PLPPR5: variants seen among roughly 807,000 people sequenced by gnomAD.
The protein encoded by PLPPR5 is phospholipid phosphatase-related protein type 5.
PLPPR5 carries 16 observed loss-of-function variants against 33.9 expected under a neutral mutation model. The ratio of observed to expected loss-of-function variants is 0.47; its 90% CI spans 0.32 to 0.72. The LOEUF is 0.72. Ranked by LOEUF, PLPPR5 falls within the 30% of genes least tolerant of loss-of-function variation. The pLI is 0.03. For missense variants in PLPPR5, 301 were observed against 406.7 expected, an observed-to-expected ratio of 0.74 and a Z score of 2.23; for synonymous variants, 163 against 150.3, an observed-to-expected ratio of 1.08 and a Z score of -0.62.
intron 1 of PLPPR5, among the ~76,000 whole-genome samples, chr1:99,003,716 A>C (rs950330818): frequency 6.6e-6 from 1 of 152,188 alleles, no homozygotes; most frequent in African/African-American, 2.4e-5. Context: ...TAAATCCAAA[A>C]GGCATGCTCT....
chr1:98,929,134 A>G (rs1649871662), intron 3 of PLPPR5, among the ~76,000 whole-genome samples: 1 of 152,176 alleles, frequency 6.6e-6, no homozygotes, highest in African/African-American at 2.4e-5. Context: ...CTGTGACCTT[A>G]CATAAATTAC....
At chr1:98,956,978 C>T (rs1284615332) in intron 1 of PLPPR5, among the ~76,000 whole-genome samples, 2 of 151,870 alleles carry the variant, frequency 1.3e-5, no homozygotes, top group Admixed American at 6.6e-5. Flanking sequence ...AAATGTGGCA[C>T]ATATACACCA....
rs185688578 is a variant in PLPPR5 at position 98,921,852 on chromosome 1, C to T, written c.798+30G>A. On this transcript the variant is annotated intron_variant, in intron 4 of 5. Transcript: ENST00000263177. Reference sequence around the variant, plus strand: ...GTGATTATGCAAGTTAATTAAAAACCCAATGATATATAAATAAATTTGTAC... The same window carrying T: ...GTGATTATGCAAGTTAATTAAAAACTCAATGATATATAAATAAATTTGTAC... 2.2e-5 allele frequency: 34 copies of T among 1,564,638 alleles called. No individual in the cohort carries two copies. The East Asian group carries it at 4.1e-4, about 19-fold the overall frequency.
At chr1:98,914,201 A>C (rs1429769933) in intron 5 of PLPPR5, among the ~76,000 whole-genome samples, 2 of 152,246 alleles carry the variant, frequency 1.3e-5, no homozygotes, top group African/African-American at 2.4e-5. Context: ...ACCAGTACAC[A>C]ATGTTCCTTA....
At chr1:98,998,717 G>T (rs1435211346) in intron 1 of PLPPR5, among the ~76,000 whole-genome samples, 1 of 152,076 alleles carries the variant, frequency 6.6e-6, no homozygotes, top group Non-Finnish European at 1.5e-5. Flanking sequence ...ACTCCAGATT[G>T]GTCATCTAAC....
At position 98,900,712 on chromosome 1, in the gene PLPPR5, T is replaced by C. The variant is rs114071745; in HGVS notation, c.934-7608A>G. On this transcript the variant is annotated intron_variant, in intron 5 of 5. Transcript: ENST00000263177. ...TACTAAATAAGCAACCTAACACTACTTGACAGAGAAGAATCGGAGGATGTG... is the reference window on the plus strand; with the variant it reads ...TACTAAATAAGCAACCTAACACTACCTGACAGAGAAGAATCGGAGGATGTG... Among the ~76,000 whole-genome samples the C allele has an allele frequency of 4.1e-3, 624 of 152,256 alleles. 7 individuals are homozygous for C. Among genetic ancestry groups the C allele is most frequent in the African/African-American group, 0.014 (588 of 41,564 alleles).
chr1:98,904,738 T>C (rs577877765), intron 5 of PLPPR5, among the ~76,000 whole-genome samples: 1 of 152,076 alleles, frequency 6.6e-6, no homozygotes, highest in South Asian at 2.1e-4. Flanking sequence ...GTCTGACCTA[T>C]GAGGATCATC....
chr1:98,959,006 AC>A (rs146415646), intron 1 of PLPPR5, among the ~76,000 whole-genome samples: 16,114 of 152,108 alleles, frequency 0.11, 896 homozygotes, highest in Middle Eastern at 0.12. Flanking sequence ...TGTAGTAGGT[AC>A]CCAATAATTC....
chr1:98,893,128 A>G (rs759286246), intron 5 of PLPPR5, 24 bp from the exon 6 acceptor site: 14 of 1,608,772 alleles, frequency 8.7e-6, no homozygotes, highest in Non-Finnish European at 1.1e-5. Flanking sequence ...AAGGAATGAC[A>G]AAGTGAGAGG....
intron 3 of PLPPR5, among the ~76,000 whole-genome samples, chr1:98,946,702 A>T (rs1195001455): frequency 6.6e-6 from 1 of 152,026 alleles, no homozygotes; most frequent in Non-Finnish European, 1.5e-5. Context: ...TCATTACCAG[A>T]TACTCTTACA....
Position 98,892,930 on chromosome 1 carries a change from T to C in PLPPR5, c.*142A>G. The C allele has an allele frequency of 1.2e-6, 1 of 803,932 alleles. No individual in the cohort carries two copies. The highest frequency in any genetic ancestry group is 2.0e-6 in the Non-Finnish European group (1 of 500,496). 49.8% of individuals were successfully genotyped at this position (803,932 alleles called of 1,614,324 possible). A position where few individuals can be genotyped will look rare whatever the true frequency, so the allele number is the denominator to read the frequency against. On this transcript the variant is annotated 3_prime_UTR_variant, in exon 6 of 6. Coordinates refer to ENST00000263177, the MANE Select transcript of PLPPR5 (RefSeq NM_001037317.2). ...CTCACAGTCTAGTGGGGGAAACAGATAGGTTGACATTGATTTTAAAATTAT... is the reference window on the plus strand; with the variant it reads ...CTCACAGTCTAGTGGGGGAAACAGACAGGTTGACATTGATTTTAAAATTAT...
intron 5 of PLPPR5, among the ~76,000 whole-genome samples, chr1:98,910,265 G>A (rs373352022): frequency 1.3e-5 from 2 of 152,088 alleles, no homozygotes; most frequent in Admixed American, 6.6e-5. Context: ...CAGCTTTAAC[G>A]TCTAATGTCA....
At chr1:98,954,617 A>G (rs1359203358) in intron 2 of PLPPR5, among the ~76,000 whole-genome samples, 1 of 152,136 alleles carries the variant, frequency 6.6e-6, no homozygotes, top group Non-Finnish European at 1.5e-5. Context: ...GCAAAACTCT[A>G]TGTGTACACA....
At chr1:99,002,690 G>A (rs958656630) in intron 1 of PLPPR5, among the ~76,000 whole-genome samples, 7 of 151,992 alleles carry the variant, frequency 4.6e-5, no homozygotes, top group African/African-American at 1.2e-4. Flanking sequence ...GTGTGCTCTC[G>A]TCTCTAACTA....
At chr1:98,901,015 C>T (rs541648807) in intron 5 of PLPPR5, among the ~76,000 whole-genome samples, 1 of 152,120 alleles carries the variant, frequency 6.6e-6, no homozygotes, top group South Asian at 2.1e-4. Flanking sequence ...ATGTGTACTC[C>T]CAAAAAACTG....
intron 1 of PLPPR5, among the ~76,000 whole-genome samples, chr1:98,965,562 G>A (rs1651416886): frequency 6.6e-6 from 1 of 152,170 alleles, no homozygotes; most frequent in South Asian, 2.1e-4. Flanking sequence ...CTACAAGAAT[G>A]CAGGTGTGAA....
intron 1 of PLPPR5, among the ~76,000 whole-genome samples, chr1:98,992,817 C>T (rs1652494215): frequency 6.6e-6 from 1 of 152,000 alleles, no homozygotes; most frequent in African/African-American, 2.4e-5. Flanking sequence ...ATTAATACTG[C>T]CATAAAGAAA....
intron 5 of PLPPR5, among the ~76,000 whole-genome samples, chr1:98,903,378 T>C (rs916736777): frequency 6.6e-6 from 1 of 152,124 alleles, no homozygotes; most frequent in Non-Finnish European, 1.5e-5. Flanking sequence ...ATCAACTGAA[T>C]CTTAAATAGA....
At chr1:98,929,007 T>C (rs1390861640) in intron 3 of PLPPR5, among the ~76,000 whole-genome samples, 2 of 152,176 alleles carry the variant, frequency 1.3e-5, no homozygotes, top group African/African-American at 4.8e-5. Context: ...TTGTATTTTA[T>C]TGATACCTTT....
Sources: allele counts gnomAD v4.1 joint callset (sites outside exome capture counted in the v4.1 genomes callset), GRCh38; gene constraint gnomAD v4.1.1; transcripts MANE v1.5; gene names NCBI Gene and HGNC (gene_info 2026-07-23, HGNC 2026-07-21).